The following GOLPH3L variants were observed in gnomAD, a reference collection of about 807,000 sequenced individuals.
The protein encoded by GOLPH3L is golgi phosphoprotein 3 like, also known as Golgi phosphoprotein 3-like.
GOLPH3L carries 22 observed loss-of-function variants against 30.3 expected under a neutral mutation model. The ratio of observed to expected loss-of-function variants is 0.73; its 90% CI spans 0.52 to 1.04. The LOEUF (loss-of-function observed/expected upper bound fraction) is 1.04, where lower values mean the gene tolerates loss of function less well. Ranked by LOEUF, GOLPH3L falls within the 50% of genes least tolerant of loss-of-function variation. GOLPH3L has a pLI of 0.00. For synonymous variants in GOLPH3L, 120 were observed against 128.2 expected, an observed-to-expected ratio of 0.94 and a Z score of 0.43; for missense variants, 303 against 345.8, an observed-to-expected ratio of 0.88 and a Z score of 0.98.
intron 1 of GOLPH3L, among the ~76,000 whole-genome samples, chr1:150,695,106 T>C (rs1017943153): frequency 6.6e-6 from 1 of 152,142 alleles, no homozygotes; most frequent in Non-Finnish European, 1.5e-5. Context: ...GAAATGCTCA[T>C]CTTTCAAGCC....
chr1:150,691,080 G>C (rs587665652), intron 2 of GOLPH3L, among the ~76,000 whole-genome samples: 1 of 151,890 alleles, frequency 6.6e-6, no homozygotes, highest in Admixed American at 6.6e-5. Context: ...GATCACTTGA[G>C]ATCAGGAGTT....
intron 2 of GOLPH3L, among the ~76,000 whole-genome samples, chr1:150,674,819 G>A (rs1650732824): frequency 6.6e-6 from 1 of 151,940 alleles, no homozygotes; most frequent in Non-Finnish European, 1.5e-5. Context: ...TCAAGCCCAG[G>A]AGGTCAAGGG....
At chr1:150,687,831 T>G (rs1372771686) in intron 2 of GOLPH3L, among the ~76,000 whole-genome samples, 1 of 152,128 alleles carries the variant, frequency 6.6e-6, no homozygotes, top group African/African-American at 2.4e-5. Context: ...CCAGGAGAAT[T>G]TTAGCAGCAC....
At chr1:150,674,422 A>G (rs1425084783) in intron 2 of GOLPH3L, among the ~76,000 whole-genome samples, 1 of 151,934 alleles carries the variant, frequency 6.6e-6, no homozygotes. Flanking sequence ...CACTAGGCCT[A>G]GCTAATTTTT....
Position 150,694,749 on chromosome 1 carries a change from C to T in GOLPH3L, c.90G>A (p.Glu30=). The change falls in exon 2 of 5, where the codon GAG becomes GAA. Residue 30 remains glutamate, a synonymous_variant. Transcript: ENST00000271732. ...CAGAATCTTCATTGTCTGGACTTTT[C>T]TCCCAATTACTGTCTTCCTCACTTT... ...KMESEEDSNW[E]KSPDNEDSGD... is the part of the protein sequence containing the mutation. 6.2e-7 allele frequency: 1 copy of T among 1,609,898 alleles called. No homozygotes were observed. Among genetic ancestry groups the T allele is most frequent in the Non-Finnish European group, 8.5e-7 (1 of 1,176,210 alleles).
chr1:150,657,022 A>G lies in GOLPH3L; in HGVS notation c.430+4792T>C, dbSNP rs116499850. Among the ~76,000 whole-genome samples, 401 of 152,342 alleles carry G rather than the reference A, an allele frequency of 2.6e-3. 2 individuals carry two copies. Among genetic ancestry groups the G allele is most frequent in the African/African-American group, 9.0e-3 (376 of 41,570 alleles). On this transcript the variant is annotated intron_variant, in intron 4 of 4. Coordinates refer to ENST00000271732, the MANE Select transcript of GOLPH3L (RefSeq NM_018178.6). ...CCCTATACTTCACCTCAAAAAGCAGAGCTTGTAGCTGTAACTGAGGTACTG... is the reference window on the plus strand; with the variant it reads ...CCCTATACTTCACCTCAAAAAGCAGGGCTTGTAGCTGTAACTGAGGTACTG...
At chr1:150,676,575 T>C (rs1054570255) in intron 2 of GOLPH3L, among the ~76,000 whole-genome samples, 35 of 152,074 alleles carry the variant, frequency 2.3e-4, no homozygotes, top group Non-Finnish European at 4.7e-4. Flanking sequence ...TTTTTACAGT[T>C]GCTTTGTTTG....
chr1:150,681,258 A>T (rs1177722752), intron 2 of GOLPH3L, among the ~76,000 whole-genome samples: 1 of 152,232 alleles, frequency 6.6e-6, no homozygotes, highest in Non-Finnish European at 1.5e-5. Context: ...AGCCCAAGTC[A>T]TATAGCTGAT....
At chr1:150,663,501 G>GT in intron 3 of GOLPH3L, 131 bp downstream of exon 3, 1 of 805,762 alleles carries the variant, frequency 1.2e-6, no homozygotes, top group South Asian at 1.9e-5. Flanking sequence ...TAATTAACCT[G>GT]TTTAGACAAT....
At chr1:150,674,930 A>T (rs1215158005) in intron 2 of GOLPH3L, among the ~76,000 whole-genome samples, 1 of 152,022 alleles carries the variant, frequency 6.6e-6, no homozygotes, top group Non-Finnish European at 1.5e-5. Flanking sequence ...TCACTCTGTC[A>T]TACAGGCTAG....
In GOLPH3L at chr1:150,663,638, G is replaced by C. The variant is rs771027376; in HGVS notation, c.309C>G (p.Asp103Glu). The change falls in exon 3 of 5, where the codon GAC (aspartate) becomes GAG (glutamate). Residue 103 changes from aspartate (D) to glutamate (E), a missense_variant. Physicochemically the swap from Asp to Glu is conservative, Grantham distance 45. Coordinates refer to ENST00000271732, the MANE Select transcript of GOLPH3L (RefSeq NM_018178.6). ...TTCACAGAGGATTCAGTACCTTTCT[G>C]TCTAGTAGTCGCTTCTTACGCATGG... ...PPTMRKKRLL[D>E]RKVLLKSDSP... 12 of 1,612,936 alleles carry C rather than the reference G, an allele frequency of 7.4e-6. No individual in the cohort carries two copies. Among genetic ancestry groups the C allele is most frequent in the Non-Finnish European group, 1.0e-5 (12 of 1,179,204 alleles).
rs1284268779 is a variant in GOLPH3L, at chr1:150,648,743, T to A, written c.436A>T (p.Thr146Ser). ...QTWIELLTGE[T>S]WNPFKLQYQL... is the part of the protein sequence containing the mutation. ...TACTGTAATTTGAAGGGGTTCCAGG[T>A]CTCACCTATGAGAAAAAAGAAATAG... The change falls in exon 5 of 5, where the codon ACC becomes TCC. Residue 146 changes from threonine (T) to serine (S), a missense_variant. Transcript: ENST00000271732. The A allele has an allele frequency of 1.9e-6, 3 of 1,600,554 alleles. No individual in the cohort carries two copies. The highest frequency in any genetic ancestry group is 2.6e-6 in the Non-Finnish European group (3 of 1,168,398).
chr1:150,696,959 G>A (rs587609887), intron 1 of GOLPH3L, 33 bp downstream of exon 1: 2 of 152,066 alleles, frequency 1.3e-5, no homozygotes, highest in African/African-American at 2.4e-5. Context: ...GGGGGGAAGG[G>A]ACGTTAGGAA....
At chr1:150,691,313 C>T (rs1026152918) in intron 2 of GOLPH3L, among the ~76,000 whole-genome samples, 1 of 152,132 alleles carries the variant, frequency 6.6e-6, no homozygotes, top group Admixed American at 6.5e-5. Context: ...GTCAGGAGTT[C>T]AAGACCAGCC....
chr1:150,684,446 T>C (rs373635584), intron 2 of GOLPH3L, among the ~76,000 whole-genome samples: 92 of 151,096 alleles, frequency 6.1e-4, no homozygotes, highest in Non-Finnish European at 1.2e-3. Flanking sequence ...CCTCCCAAAG[T>C]GCTGAGATTA....
chr1:150,649,324 G>A (rs1469598671), intron 4 of GOLPH3L, among the ~76,000 whole-genome samples: 2 of 152,208 alleles, frequency 1.3e-5, no homozygotes, highest in African/African-American at 4.8e-5. Context: ...TAGGAGAAGT[G>A]GGCCCTTGTG....
intron 4 of GOLPH3L, among the ~76,000 whole-genome samples, chr1:150,656,221 G>A (rs1007027109): frequency 6.6e-6 from 1 of 152,158 alleles, no homozygotes; most frequent in African/African-American, 2.4e-5. Context: ...TACAGCTCCT[G>A]ACAAAATTCA....
At chr1:150,684,993 T>C (rs1172628659) in intron 2 of GOLPH3L, among the ~76,000 whole-genome samples, 1 of 152,168 alleles carries the variant, frequency 6.6e-6, no homozygotes, top group Non-Finnish European at 1.5e-5. Context: ...TAATTAAATA[T>C]TATTTACTTA....
chr1:150,694,361 T>C (rs1436885914), intron 2 of GOLPH3L, among the ~76,000 whole-genome samples: 2 of 152,164 alleles, frequency 1.3e-5, no homozygotes, highest in African/African-American at 4.8e-5. Context: ...ACGGTATTAT[T>C]TCGCCTTTAA....
Sources: gnomAD v4.1 joint callset for allele counts (sites outside exome capture counted in the v4.1 genomes callset) on GRCh38, gnomAD v4.1.1 for gene constraint, MANE v1.5 for transcripts, NCBI Gene and HGNC (gene_info 2026-07-23, HGNC 2026-07-21) for gene names.